The following SGCZ variants were observed in gnomAD, a reference collection of about 807,000 sequenced individuals.
The protein encoded by SGCZ is sarcoglycan zeta, also known as zeta-sarcoglycan.
In SGCZ, 40 loss-of-function variants were observed where a neutral mutation model predicts 41.3. That is an observed-to-expected ratio of 0.97 (90% CI 0.75 to 1.26). The LOEUF (loss-of-function observed/expected upper bound fraction) is 1.26, where lower values mean the gene tolerates loss of function less well. SGCZ is among the 50% of genes most tolerant of loss of function. The pLI is 0.00. For missense variants in SGCZ, 552 were observed against 369.8 expected (o/e 1.49, Z -4.04); for synonymous variants, 206 against 137.5 (o/e 1.50, Z -3.49).
chr8:15,232,719 G>GTATATATATACATATATATGTGTA (rs1801986933), intron 1 of SGCZ, among the ~76,000 whole-genome samples: 2 of 143,896 alleles, frequency 1.4e-5, no homozygotes, highest in Non-Finnish European at 3.0e-5. Context: ...ATATATGTGT[G>GTATATATATACATATATATGTGTA]TATATATATA....
intron 5 of SGCZ, among the ~76,000 whole-genome samples, chr8:14,139,087 G>A (rs189050132): frequency 1.4e-4 from 21 of 152,308 alleles, no homozygotes; most frequent in African/African-American, 5.1e-4. Context: ...GCTCCTGAAT[G>A]ACTACTGGGT....
At chr8:14,928,722 A>T (rs17654710) in intron 1 of SGCZ, among the ~76,000 whole-genome samples, 18,596 of 152,166 alleles carry the variant, frequency 0.12, 1,293 homozygotes, top group African/African-American at 0.19. Context: ...AAAATACAGA[A>T]TTGCTATAAA....
chr8:15,069,806 T>C (rs575506818), intron 1 of SGCZ, among the ~76,000 whole-genome samples: 491 of 152,312 alleles, frequency 3.2e-3, no homozygotes, highest in Middle Eastern at 6.8e-3. Context: ...TACTTAAAAA[T>C]GCAATACATC....
intron 1 of SGCZ, among the ~76,000 whole-genome samples, chr8:14,625,798 A>C (rs1806436097): frequency 6.6e-6 from 1 of 152,204 alleles, no homozygotes; most frequent in African/African-American, 2.4e-5. Flanking sequence ...TTCCGACCCC[A>C]TTAGTGACAC....
intron 3 of SGCZ, among the ~76,000 whole-genome samples, chr8:14,316,644 T>C (rs1325193617): frequency 6.6e-6 from 1 of 152,006 alleles, no homozygotes; most frequent in Non-Finnish European, 1.5e-5. Flanking sequence ...CATATTATTT[T>C]GGTTTTTTGA....
Position 15,032,569 on chromosome 8 carries a change from C to T in SGCZ, c.39+205016G>A, listed in dbSNP as rs182419435. On this transcript the variant is annotated intron_variant, in intron 1 of 7. Transcript: ENST00000382080. ...TAGACCTACAGACCCGGGATGCAGGCCTGCTCAGCAGACTCAGTCTCTGGG... is the reference window on the plus strand; with the variant it reads ...TAGACCTACAGACCCGGGATGCAGGTCTGCTCAGCAGACTCAGTCTCTGGG... Among the ~76,000 whole-genome samples the T allele has an allele frequency of 4.8e-4, 73 of 152,226 alleles. No homozygotes were observed. In the East Asian group the frequency reaches 7.2e-3, roughly 15 times the overall value.
chr8:15,136,149 C>T (rs1316973562), intron 1 of SGCZ, among the ~76,000 whole-genome samples: 2 of 152,024 alleles, frequency 1.3e-5, no homozygotes, highest in African/African-American at 4.8e-5. Flanking sequence ...GTCCAGGGTC[C>T]AAGACCCACC....
chr8:14,812,218 GA>G (rs1430252991), intron 1 of SGCZ, among the ~76,000 whole-genome samples: 1 of 151,690 alleles, frequency 6.6e-6, no homozygotes, highest in African/African-American at 2.4e-5. Context: ...AATTTTTTGG[GA>G]AAAATATTTA....
intron 2 of SGCZ, among the ~76,000 whole-genome samples, chr8:14,518,698 G>C (rs923081222): frequency 6.6e-6 from 1 of 151,914 alleles, no homozygotes; most frequent in African/African-American, 2.4e-5. Context: ...ATTAAGTACA[G>C]TTTAGTTGCA....
intron 2 of SGCZ, among the ~76,000 whole-genome samples, chr8:14,430,948 C>T (rs1799926830): frequency 6.6e-6 from 1 of 151,970 alleles, no homozygotes. Flanking sequence ...TTTACAACAG[C>T]TGCAAAAAAT....
At chr8:14,596,753 G>T (rs1308957776) in intron 1 of SGCZ, among the ~76,000 whole-genome samples, 1 of 151,974 alleles carries the variant, frequency 6.6e-6, no homozygotes, top group Admixed American at 6.6e-5. Context: ...TGCGTTGACA[G>T]GTGCAGCAAA....
At chr8:14,465,825 T>C (rs1297994022) in intron 2 of SGCZ, among the ~76,000 whole-genome samples, 1 of 151,882 alleles carries the variant, frequency 6.6e-6, no homozygotes, top group African/African-American at 2.4e-5. Flanking sequence ...CAGAATTATA[T>C]CTCTATACAC....
At chr8:14,365,414 G>T (rs11996350) in intron 2 of SGCZ, among the ~76,000 whole-genome samples, 3,089 of 152,000 alleles carry the variant, frequency 0.02, 89 homozygotes, top group African/African-American at 0.057. Flanking sequence ...AACTAACAAA[G>T]GTTTGATGTA....
chr8:14,956,878 T>C (rs1434808654), intron 1 of SGCZ, among the ~76,000 whole-genome samples: 4 of 152,210 alleles, frequency 2.6e-5, no homozygotes, highest in Non-Finnish European at 4.4e-5. Context: ...TTTTACCTTT[T>C]GTCTGGTATT....
chr8:14,380,880 A>C (rs1804336770), intron 2 of SGCZ, among the ~76,000 whole-genome samples: 1 of 152,100 alleles, frequency 6.6e-6, no homozygotes, highest in Admixed American at 6.5e-5. Context: ...CAAAAAAAAA[A>C]ATTGTGTAAT....
chr8:15,120,338 G>A (rs962103904), intron 1 of SGCZ, among the ~76,000 whole-genome samples: 2 of 151,998 alleles, frequency 1.3e-5, no homozygotes, highest in Non-Finnish European at 2.9e-5. Flanking sequence ...AAACTATTCA[G>A]ACATTTTCTA....
chr8:14,668,239 C>T (rs1175547808), intron 1 of SGCZ, among the ~76,000 whole-genome samples: 4 of 152,178 alleles, frequency 2.6e-5, no homozygotes, highest in Admixed American at 2.0e-4. Flanking sequence ...GGATTACAGG[C>T]GTGAGCCACC....
chr8:15,228,882 G>A (rs1055596659), intron 1 of SGCZ, among the ~76,000 whole-genome samples: 6 of 152,140 alleles, frequency 3.9e-5, no homozygotes, highest in Admixed American at 2.0e-4. Flanking sequence ...TATAATCTTC[G>A]TAGCTCTTGA....
chr8:14,530,331 G>C (rs1193851106), intron 2 of SGCZ, among the ~76,000 whole-genome samples: 1 of 151,940 alleles, frequency 6.6e-6, no homozygotes. Context: ...CTTTCTCACA[G>C]ATCATACATC....
Sources: allele counts gnomAD v4.1 joint callset (sites outside exome capture counted in the v4.1 genomes callset), GRCh38; gene constraint gnomAD v4.1.1; transcripts MANE v1.5; gene names NCBI Gene and HGNC (gene_info 2026-07-23, HGNC 2026-07-21).